Variants in BMPR1B observed in about 807,000 individuals in gnomAD.
The protein encoded by BMPR1B is bone morphogenetic protein receptor type 1B, also known as bone morphogenetic protein receptor type-1B.
A neutral mutation model predicts 59.1 loss-of-function variants in BMPR1B; 12 were observed. The observed-to-expected ratio is 0.20, with a 90% CI of 0.13 to 0.33. The LOEUF is 0.33. BMPR1B is among the 10% of genes least tolerant of loss of function. The pLI is 1.00. For synonymous variants in BMPR1B, 237 were observed against 207.3 expected (o/e 1.14, Z -1.23); for missense variants, 550 against 610.9 (o/e 0.90, Z 1.05).
At chr4:94,814,243 T>A (rs1415868388) in intron 1 of BMPR1B, among the ~76,000 whole-genome samples, 1 of 152,224 alleles carries the variant, frequency 6.6e-6, no homozygotes, top group Non-Finnish European at 1.5e-5. Context: ...CTCAAAATTA[T>A]TTTTTAACAG....
rs542288944 is a variant in BMPR1B at position 94,863,696 on chromosome 4, T to C, written c.-182-12135T>C. Among the ~76,000 whole-genome samples the C allele has an allele frequency of 2.4e-4, 37 of 152,334 alleles. 1 individual carries two copies. In the South Asian group the frequency reaches 3.7e-3, roughly 15 times the overall value. ...TTTTCTTAAGTTCTAGGCGGCAATGTGGCTGCGTTTTATTTACTTGAATCG... is the reference window on the plus strand; with the variant it reads ...TTTTCTTAAGTTCTAGGCGGCAATGCGGCTGCGTTTTATTTACTTGAATCG... On this transcript the variant is annotated intron_variant, in intron 1 of 12. Transcript: ENST00000515059.
At chr4:94,930,460 A>G (rs886244287) in intron 2 of BMPR1B, among the ~76,000 whole-genome samples, 2 of 152,028 alleles carry the variant, frequency 1.3e-5, no homozygotes, top group Non-Finnish European at 2.9e-5. Flanking sequence ...CTGTATTGCA[A>G]TCATTTGCTT....
intron 2 of BMPR1B, among the ~76,000 whole-genome samples, chr4:94,961,778 T>A (rs1440278121): frequency 6.6e-6 from 1 of 152,232 alleles, no homozygotes; most frequent in Non-Finnish European, 1.5e-5. Flanking sequence ...TAAATTAGTT[T>A]ATTTAACGTA....
At chr4:94,848,115 A>G (rs1430922060) in intron 1 of BMPR1B, among the ~76,000 whole-genome samples, 1 of 152,216 alleles carries the variant, frequency 6.6e-6, no homozygotes, top group Non-Finnish European at 1.5e-5. Flanking sequence ...AGAAATATCC[A>G]GTTTAATACA....
At chr4:94,871,040 T>G (rs1726468112) in intron 1 of BMPR1B, among the ~76,000 whole-genome samples, 1 of 152,164 alleles carries the variant, frequency 6.6e-6, no homozygotes, top group African/African-American at 2.4e-5. Context: ...ATGCTTTGTG[T>G]GCATTATGTT....
intron 1 of BMPR1B, among the ~76,000 whole-genome samples, chr4:94,787,545 C>T (rs971363322): frequency 6.6e-5 from 10 of 152,150 alleles, no homozygotes; most frequent in African/African-American, 2.4e-4. Context: ...TTACACTTAG[C>T]TCAGCCTCTT....
At position 95,155,672 on chromosome 4, in the gene BMPR1B, G is replaced by C. The variant is rs1735372553; in HGVS notation, c.*999G>C. ...GTCAACAAAGATAGGAAATGAGGGTGATCGTGCAGATGGCTTGTATCTTAT... is the reference window on the plus strand; with the variant it reads ...GTCAACAAAGATAGGAAATGAGGGTCATCGTGCAGATGGCTTGTATCTTAT... On this transcript the variant is annotated 3_prime_UTR_variant, in exon 13 of 13. Coordinates refer to ENST00000515059, the MANE Select transcript of BMPR1B (RefSeq NM_001203.3). 6.6e-6 allele frequency: 1 copy of C among 151,760 alleles called. No homozygotes were observed. The highest frequency in any genetic ancestry group is 1.5e-5 in the Non-Finnish European group (1 of 67,958). 9.4% of individuals were successfully genotyped at this position (151,760 alleles called of 1,614,324 possible). A position where few individuals can be genotyped will look rare whatever the true frequency, so the allele number is the denominator to read the frequency against.
chr4:94,873,754 T>G (rs28455759), intron 1 of BMPR1B, among the ~76,000 whole-genome samples: 2 of 152,194 alleles, frequency 1.3e-5, no homozygotes, highest in Non-Finnish European at 2.9e-5. Flanking sequence ...ATGTGTCTTA[T>G]TGCGTTTAAA....
intron 2 of BMPR1B, among the ~76,000 whole-genome samples, chr4:94,958,824 G>A (rs1309042238): frequency 6.6e-6 from 1 of 152,068 alleles, no homozygotes; most frequent in East Asian, 1.9e-4. Flanking sequence ...TCTGAAATAA[G>A]AGGACTCAGG....
intron 3 of BMPR1B, among the ~76,000 whole-genome samples, chr4:95,076,656 G>A (rs1479189179): frequency 6.6e-6 from 1 of 152,072 alleles, no homozygotes; most frequent in Non-Finnish European, 1.5e-5. Flanking sequence ...CAAGTAATCA[G>A]TGGAGTGACT....
At chr4:94,956,033 G>A (rs1428810628) in intron 2 of BMPR1B, among the ~76,000 whole-genome samples, 1 of 152,114 alleles carries the variant, frequency 6.6e-6, no homozygotes, top group East Asian at 1.9e-4. Context: ...ATTTAGTTGT[G>A]TTTGTGATTA....
At chr4:94,967,633 C>T (rs571068528) in intron 2 of BMPR1B, among the ~76,000 whole-genome samples, 4 of 152,156 alleles carry the variant, frequency 2.6e-5, no homozygotes, top group Admixed American at 2.0e-4. Flanking sequence ...CAGGTGCACG[C>T]CACCATGCCC....
At chr4:95,066,106 A>G (rs1318388863) in intron 3 of BMPR1B, among the ~76,000 whole-genome samples, 1 of 152,162 alleles carries the variant, frequency 6.6e-6, no homozygotes, top group Non-Finnish European at 1.5e-5. Flanking sequence ...ATGAACCTTT[A>G]TCATGGTCTC....
chr4:94,892,647 G>A (rs865802054), intron 2 of BMPR1B, among the ~76,000 whole-genome samples: 1 of 152,024 alleles, frequency 6.6e-6, no homozygotes, highest in East Asian at 1.9e-4. Context: ...CTTTACAGAA[G>A]ATGTGATACT....
intron 3 of BMPR1B, among the ~76,000 whole-genome samples, chr4:95,012,749 A>G (rs1034577864): frequency 5.9e-5 from 9 of 152,192 alleles, no homozygotes; most frequent in Non-Finnish European, 2.9e-5. Flanking sequence ...TGTTTTAAAC[A>G]TCTGTCCTTC....
chr4:95,091,200 C>T (rs1265621657), intron 3 of BMPR1B, among the ~76,000 whole-genome samples: 1 of 152,072 alleles, frequency 6.6e-6, no homozygotes, highest in African/African-American at 2.4e-5. Context: ...GGAAATGTTA[C>T]ATAACACACT....
At chr4:94,908,061 TAAAAAAAAAAAAAA>T (rs571793477) in intron 2 of BMPR1B, among the ~76,000 whole-genome samples, 1 of 46,256 alleles carries the variant, frequency 2.2e-5, no homozygotes, top group East Asian at 6.0e-4. Context: ...ACCCTGTCTT[TAAAAAAAAAAAAAA>T]AAAAAAAAAA....
At chr4:95,059,320 A>ATG (rs1221661178) in intron 3 of BMPR1B, among the ~76,000 whole-genome samples, 10 of 151,982 alleles carry the variant, frequency 6.6e-5, no homozygotes, top group East Asian at 1.9e-4. Context: ...TTATATATAT[A>ATG]TGTGTGTGTG....
intron 2 of BMPR1B, among the ~76,000 whole-genome samples, chr4:94,968,826 T>C (rs1440712911): frequency 6.6e-6 from 1 of 152,126 alleles, no homozygotes; most frequent in Non-Finnish European, 1.5e-5. Flanking sequence ...ATAATACTCA[T>C]ATGTAGGAAA....
Sources: allele counts gnomAD v4.1 joint callset (sites outside exome capture counted in the v4.1 genomes callset), GRCh38; gene constraint gnomAD v4.1.1; transcripts MANE v1.5; gene names NCBI Gene and HGNC (gene_info 2026-07-23, HGNC 2026-07-21).